The following XIRP2 variants were observed in gnomAD, a reference collection of about 807,000 sequenced individuals.
The protein encoded by XIRP2 is xin actin binding repeat containing 2.
In XIRP2, 236 loss-of-function variants were observed where a neutral mutation model predicts 277.0. The observed-to-expected ratio is 0.85, with a 90% CI of 0.77 to 0.95. The LOEUF is 0.95. Among genes scored for constraint, XIRP2 ranks in the 40% least tolerant of loss-of-function variants. The pLI is 0.00. For synonymous variants in XIRP2, 1,490 were observed against 1,416.5 expected, an observed-to-expected ratio of 1.05 and a Z score of -1.17; for missense variants, 4,640 against 4,157.5, an observed-to-expected ratio of 1.12 and a Z score of -3.19.
At chr2:166,963,257 C>T (rs1002810434) in intron 2 of XIRP2, among the ~76,000 whole-genome samples, 6 of 151,600 alleles carry the variant, frequency 4.0e-5, no homozygotes, top group African/African-American at 1.5e-4. Flanking sequence ...GCAGTGGATA[C>T]ATATATGACT....
intron 2 of XIRP2, among the ~76,000 whole-genome samples, chr2:167,032,013 A>G (rs1018768717): frequency 1.3e-5 from 2 of 152,218 alleles, no homozygotes; most frequent in Non-Finnish European, 2.9e-5. Context: ...CTAAGCAATA[A>G]GAACAAAGCT....
At chr2:167,182,390 G>A (rs971496159) in intron 3 of XIRP2, among the ~76,000 whole-genome samples, 1 of 152,154 alleles carries the variant, frequency 6.6e-6, no homozygotes, top group South Asian at 2.1e-4. Flanking sequence ...CAGCATTAAA[G>A]TTCCCATACC....
chr2:167,127,339 A>G (rs188989274), intron 2 of XIRP2, among the ~76,000 whole-genome samples: 1 of 152,202 alleles, frequency 6.6e-6, no homozygotes, highest in South Asian at 2.1e-4. Context: ...TGGCAGTAAC[A>G]TGATCTGGTC....
Position 167,138,841 on chromosome 2 carries a change from G to A in XIRP2, c.562+2779G>A, listed in dbSNP as rs147257723. 5.2e-3 allele frequency among the ~76,000 whole-genome samples: 784 copies of A among 152,198 alleles called. 2 individuals are homozygous for A. Among genetic ancestry groups the A allele is most frequent in the Non-Finnish European group, 8.3e-3 (567 of 68,004 alleles). ...AGCATTTTGGGAGGCCAAGGCGGGC[G>A]AATCACCTAGGGTCAGGAGTTTGAG... On this transcript the variant is annotated intron_variant, in intron 3 of 10. Coordinates refer to ENST00000409195, the MANE Select transcript of XIRP2 (RefSeq NM_152381.6).
intron 1 of XIRP2, among the ~76,000 whole-genome samples, chr2:166,896,803 C>A (rs1684255267): frequency 6.6e-6 from 1 of 152,116 alleles, no homozygotes; most frequent in Non-Finnish European, 1.5e-5. Flanking sequence ...AACTTCTAGT[C>A]CTGCAAGCTC....
In XIRP2 at chr2:167,087,379, G is replaced by T. The variant is rs919835826; in HGVS notation, c.409-48530G>T. Among the ~76,000 whole-genome samples the T allele has an allele frequency of 3.4e-3, 507 of 148,078 alleles. 5 individuals are homozygous for T. The highest frequency in any genetic ancestry group is 4.6e-3 in the Non-Finnish European group (312 of 67,422). Reference sequence around the variant, plus strand: ...GACAGGGACATTTAAGTCTGCAGAGGTTACTGCTGTCTTTTTGTTTGTCTG... The same window carrying T: ...GACAGGGACATTTAAGTCTGCAGAGTTTACTGCTGTCTTTTTGTTTGTCTG... On this transcript the variant is annotated intron_variant, in intron 2 of 10. Coordinates refer to ENST00000409195, the MANE Select transcript of XIRP2 (RefSeq NM_152381.6).
Position 167,258,265 on chromosome 2 carries a change from T to C in XIRP2, c.*448T>C, listed in dbSNP as rs1360844224. The C allele has an allele frequency of 6.2e-7, 1 of 1,613,344 alleles. No individual in the cohort carries two copies. The highest frequency in any genetic ancestry group is 2.2e-5 in the East Asian group (1 of 44,820). On this transcript the variant is annotated 3_prime_UTR_variant, in exon 11 of 11. Transcript: ENST00000409195. ...CTGAAATGACAACCCTGCTATCCCCTGAATTTAAAAGTGAATCTCTGCTAG... is the reference window on the plus strand; with the variant it reads ...CTGAAATGACAACCCTGCTATCCCCCGAATTTAAAAGTGAATCTCTGCTAG...
intron 3 of XIRP2, among the ~76,000 whole-genome samples, chr2:167,189,236 T>C (rs1333742220): frequency 6.6e-6 from 1 of 152,140 alleles, no homozygotes; most frequent in South Asian, 2.1e-4. Context: ...TATATTTCTG[T>C]CTCTCTCTTT....
At chr2:167,143,275 T>C (rs1178798266) in intron 3 of XIRP2, among the ~76,000 whole-genome samples, 1 of 152,078 alleles carries the variant, frequency 6.6e-6, no homozygotes, top group Non-Finnish European at 1.5e-5. Context: ...ATGTCAACAC[T>C]AGGAGATGAA....
At chr2:167,085,817 A>G (rs1294522928) in intron 2 of XIRP2, among the ~76,000 whole-genome samples, 1 of 151,946 alleles carries the variant, frequency 6.6e-6, no homozygotes, top group East Asian at 1.9e-4. Context: ...CCATCCTTTT[A>G]TTTTGAGCCT....
intron 3 of XIRP2, among the ~76,000 whole-genome samples, chr2:167,155,421 G>A (rs200600316): frequency 0.092 from 13,891 of 150,630 alleles, 688 homozygotes; most frequent in South Asian, 0.14. Context: ...CTTCATCCCT[G>A]GGATGCAAGG....
intron 2 of XIRP2, among the ~76,000 whole-genome samples, chr2:166,938,666 CGTT>C (rs1242968641): frequency 6.6e-6 from 1 of 152,080 alleles, no homozygotes; most frequent in African/African-American, 2.4e-5. Context: ...CTTTCTGTCT[CGTT>C]GATCTGTCTA....
chr2:167,170,371 A>G (rs916173064), intron 3 of XIRP2, among the ~76,000 whole-genome samples: 2 of 152,148 alleles, frequency 1.3e-5, no homozygotes, highest in Non-Finnish European at 2.9e-5. Flanking sequence ...AAATTTTAGG[A>G]AATATTGGTA....
chr2:167,247,935 C>T lies in XIRP2; in HGVS notation c.6543C>T (p.Asp2181=), dbSNP rs1695332352. The stretch of plus-strand genomic sequence containing the variant: ...GAGGAACTTACGACCTTTCAGGGGA[C>T]TTTCAGAAGCAAACTTTGTTAAAGC... ...PVGGTYDLSG[D]FQKQTLLKQE... The change falls in exon 9 of 11, where the codon GAC becomes GAT. Residue 2181 remains aspartate, a synonymous_variant. Coordinates refer to ENST00000409195, the MANE Select transcript of XIRP2 (RefSeq NM_152381.6). 3 of 1,610,718 alleles carry T rather than the reference C, an allele frequency of 1.9e-6. No individual in the cohort carries two copies. Among genetic ancestry groups the T allele is most frequent in the Non-Finnish European group, 2.5e-6 (3 of 1,179,178 alleles).
At chr2:167,156,157 A>G (rs925551298) in intron 3 of XIRP2, among the ~76,000 whole-genome samples, 1 of 152,008 alleles carries the variant, frequency 6.6e-6, no homozygotes, top group African/African-American at 2.4e-5. Flanking sequence ...AATATCGTGA[A>G]AATGGCCATA....
rs532702684 is a variant in XIRP2, at chr2:167,115,141, C to A, written c.409-20768C>A. 5.9e-5 allele frequency among the ~76,000 whole-genome samples: 9 copies of A among 152,298 alleles called. No homozygotes were observed. In the South Asian group the frequency reaches 1.9e-3, roughly 32 times the overall value. ...GACTTTTTAAAGATTGCCATTCTAA[C>A]TGGTGTGAGATGGTATCTCACTGTG... On this transcript the variant is annotated intron_variant, in intron 2 of 10. Transcript: ENST00000409195.
intron 3 of XIRP2, among the ~76,000 whole-genome samples, chr2:167,193,786 G>T (rs1323704421): frequency 1.3e-5 from 2 of 150,014 alleles, no homozygotes; most frequent in Non-Finnish European, 3.0e-5. Context: ...GCTGAGGCAG[G>T]AGAATCACTT....
At position 167,244,022 on chromosome 2, in the gene XIRP2, A is replaced by G; in HGVS notation, c.2630A>G (p.His877Arg). 6.2e-7 allele frequency: 1 copy of G among 1,613,992 alleles called. No individual in the cohort carries two copies. The highest frequency in any genetic ancestry group is 8.5e-7 in the Non-Finnish European group (1 of 1,179,938). The stretch of plus-strand genomic sequence containing the variant: ...GGTGGTGATGTACAAACTACTAAGC[A>G]TCTATTTGAAACACTTCCAATTGAA... ...IIGGDVQTTKHLFETLPIEAL... is the reference protein window; with the variant it reads ...IIGGDVQTTKRLFETLPIEAL... Residue 877 changes from histidine to arginine, a missense_variant, in exon 9 of 11, where the codon CAT becomes CGT. Physicochemically the swap from His to Arg is conservative, Grantham distance 29 (BLOSUM62 0). Transcript: ENST00000409195.
At chr2:167,240,574 A>C in intron 6 of XIRP2, 90 bp from the exon 7 acceptor site, 1 of 1,150,376 alleles carries the variant, frequency 8.7e-7, no homozygotes, top group Non-Finnish European at 1.3e-6. Flanking sequence ...TCTTGGGTGA[A>C]AATCACTGTA....
Sources: gnomAD v4.1 joint callset for allele counts (sites outside exome capture counted in the v4.1 genomes callset) on GRCh38, gnomAD v4.1.1 for gene constraint, MANE v1.5 for transcripts, NCBI Gene and HGNC (gene_info 2026-07-23, HGNC 2026-07-21) for gene names.